MRPL58: variants seen among roughly 807,000 people sequenced by gnomAD.
The protein encoded by MRPL58 is large ribosomal subunit protein mL62.
A neutral mutation model predicts 26.0 loss-of-function variants in MRPL58; 17 were observed. That is an observed-to-expected ratio of 0.65 (90% CI 0.45 to 0.98). The LOEUF (loss-of-function observed/expected upper bound fraction) is 0.98. Among genes scored for constraint, MRPL58 ranks in the 50% least tolerant of loss-of-function variants. MRPL58 has a pLI of 0.00. For synonymous variants in MRPL58, 100 were observed against 99.7 expected, an observed-to-expected ratio of 1.00 and a Z score of -0.02; for missense variants, 250 against 269.0, an observed-to-expected ratio of 0.93 and a Z score of 0.49.
intron 2 of MRPL58, among the ~76,000 whole-genome samples, chr17:75,017,830 A>C (rs1454545889): frequency 6.6e-6 from 1 of 152,184 alleles, no homozygotes; most frequent in Admixed American, 6.5e-5. Context: ...AGGCTGAGGC[A>C]CAAGAATCAC....
chr17:75,014,677 C>T (rs190112334), intron 1 of MRPL58, among the ~76,000 whole-genome samples: 33 of 151,748 alleles, frequency 2.2e-4, no homozygotes, highest in Admixed American at 1.8e-3. Context: ...AAACTCCTGA[C>T]CTCAAATGAT....
intron 1 of MRPL58, among the ~76,000 whole-genome samples, chr17:75,014,771 A>C (rs978231006): frequency 6.6e-6 from 1 of 152,172 alleles, no homozygotes; most frequent in East Asian, 1.9e-4. Flanking sequence ...GAGCAGTGAA[A>C]GGATTGAGTT....
At chr17:75,013,860 T>C (rs534588362) in intron 1 of MRPL58, among the ~76,000 whole-genome samples, 1 of 152,318 alleles carries the variant, frequency 6.6e-6, no homozygotes, top group African/African-American at 2.4e-5. Flanking sequence ...GGGAAAGGCC[T>C]GTTACTAGGA....
chr17:75,013,463 C>G (rs2039949069), intron 1 of MRPL58, among the ~76,000 whole-genome samples: 1 of 152,140 alleles, frequency 6.6e-6, no homozygotes, highest in African/African-American at 2.4e-5. Flanking sequence ...AAAAGCTGTG[C>G]TAGGCTAGGG....
intron 2 of MRPL58, 81 bp from the exon 3 acceptor site, chr17:75,019,618 CT>C (rs1219702373): frequency 1.5e-6 from 2 of 1,356,628 alleles, no homozygotes; most frequent in Non-Finnish European, 2.1e-6. Context: ...AATACCTTCC[CT>C]ACATTCCTCA....
At chr17:75,017,220 G>A (rs1598667798) in intron 2 of MRPL58, 106 bp downstream of exon 2, 1 of 860,180 alleles carries the variant, frequency 1.2e-6, no homozygotes, top group African/African-American at 1.7e-5. Context: ...GAACCCAGGA[G>A]GTGGAGGTTG....
At position 75,012,698 on chromosome 17, in the gene MRPL58, C is replaced by T. The variant is rs779918754; in HGVS notation, c.12C>T (p.Thr4=). MAA[T]RCLRWGLSRA... is the part of the protein sequence containing the mutation. The stretch of plus-strand genomic sequence containing the variant: ...CGCAAGACCTGAGCATGGCGGCCAC[C>T]AGGTGCCTGCGCTGGGGCCTGAGCC... Residue 4 remains threonine (T), a synonymous_variant, in exon 1 of 6, where the codon ACC becomes ACT. Transcript: ENST00000301585. 2 of 1,555,446 alleles carry T rather than the reference C, an allele frequency of 1.3e-6. No homozygotes were observed. The highest frequency in any genetic ancestry group is 2.8e-5 in the African/African-American group (2 of 72,694).
intron 1 of MRPL58, among the ~76,000 whole-genome samples, chr17:75,013,208 C>T (rs142948939): frequency 1.3e-5 from 2 of 152,320 alleles, no homozygotes; most frequent in East Asian, 3.9e-4. Context: ...CAAGAGGCTG[C>T]CAAGTTGTTT....
Position 75,021,242 on chromosome 17 carries a change from A to G in MRPL58, c.*237A>G. 1 of 516,336 alleles carries G rather than the reference A, an allele frequency of 1.9e-6. No individual in the cohort carries two copies. The highest frequency in any genetic ancestry group is 3.2e-5 in the East Asian group (1 of 31,380). 32.0% of individuals were successfully genotyped at this position (516,336 alleles called of 1,614,324 possible). A position where few individuals can be genotyped will look rare whatever the true frequency, so the allele number is the denominator to read the frequency against. On this transcript the variant is annotated 3_prime_UTR_variant, in exon 6 of 6. Coordinates refer to ENST00000301585, the MANE Select transcript of MRPL58 (RefSeq NM_001545.3). The stretch of plus-strand genomic sequence containing the variant: ...TAATAATGCACCTCATGTATTAGTC[A>G]CAATAAAAATCAGAACTCATTAGGC...
At position 75,012,883 on chromosome 17, in the gene MRPL58, A is replaced by G; in HGVS notation, c.186+11A>G. 6.2e-7 allele frequency: 1 copy of G among 1,602,994 alleles called. No individual in the cohort carries two copies. Among genetic ancestry groups the G allele is most frequent in the Non-Finnish European group, 8.5e-7 (1 of 1,176,168 alleles). On this transcript the variant is annotated intron_variant, in intron 1 of 5. Transcript: ENST00000301585. ...GCCTGGAGGGTCCCGGTGAGCCGGG[A>G]AGGACTGGACGGAAGGGGCGTTTTG...
intron 1 of MRPL58, 49 bp from the exon 2 acceptor site, chr17:75,017,029 G>T: frequency 6.8e-7 from 1 of 1,463,004 alleles, no homozygotes; most frequent in Non-Finnish European, 9.6e-7. Flanking sequence ...CCAGTTAGGA[G>T]TCACCCAGCA....
chr17:75,016,426 G>A (rs1181725819), intron 1 of MRPL58, among the ~76,000 whole-genome samples: 1 of 151,790 alleles, frequency 6.6e-6, no homozygotes, highest in Non-Finnish European at 1.5e-5. Context: ...AAAAAAAAAA[G>A]AAATGAAGGC....
intron 2 of MRPL58, among the ~76,000 whole-genome samples, chr17:75,019,285 G>A (rs2039997550): frequency 6.6e-6 from 1 of 152,150 alleles, no homozygotes; most frequent in African/African-American, 2.4e-5. Flanking sequence ...TAGCTCGGTA[G>A]TAGCTCCTCA....
At position 75,017,065 on chromosome 17, in the gene MRPL58, C is replaced by T; in HGVS notation, c.187-13C>T. ...GGTAATATTTATTTGACACTGTGTACATTACATTACAGAATGGTGCAAAGC... is the reference window on the plus strand; with the variant it reads ...GGTAATATTTATTTGACACTGTGTATATTACATTACAGAATGGTGCAAAGC... On this transcript the variant is annotated splice_polypyrimidine_tract_variant and intron_variant, in intron 1 of 5. Transcript: ENST00000301585. 6.2e-7 allele frequency: 1 copy of T among 1,605,590 alleles called. No homozygotes were observed. The highest frequency in any genetic ancestry group is 8.5e-7 in the Non-Finnish European group (1 of 1,172,156).
rs746198873 is a variant in MRPL58 at position 75,019,741 on chromosome 17, G to A, written c.265G>A (p.Gly89Arg). The A allele has an allele frequency of 6.2e-7, 1 of 1,607,768 alleles. No homozygotes were observed. The highest frequency in any genetic ancestry group is 8.5e-7 in the Non-Finnish European group (1 of 1,175,462). ...ISYCRSSGPG[G>R]QNVNKVNSKA... is the part of the protein sequence containing the mutation. ...TTATTGTCGGAGTAGTGGTCCTGGGGGGCAGAATGTGAACAAAGGTACGGG... is the reference window on the plus strand; with the variant it reads ...TTATTGTCGGAGTAGTGGTCCTGGGAGGCAGAATGTGAACAAAGGTACGGG... The change falls in exon 3 of 6, where the codon GGG becomes AGG. Residue 89 changes from glycine (G) to arginine (R), a missense_variant. Transcript: ENST00000301585.
In MRPL58 at chr17:75,021,126, T is replaced by C. The variant is rs2040015112; in HGVS notation, c.*121T>C. 4.5e-6 allele frequency: 3 copies of C among 672,622 alleles called. No individual in the cohort carries two copies. Among genetic ancestry groups the C allele is most frequent in the African/African-American group, 1.8e-5 (1 of 55,086 alleles). 41.7% of individuals were successfully genotyped at this position (672,622 alleles called of 1,614,324 possible). A position where few individuals can be genotyped will look rare whatever the true frequency, so the allele number is the denominator to read the frequency against. On this transcript the variant is annotated 3_prime_UTR_variant, in exon 6 of 6. Transcript: ENST00000301585. ...TGGCTGTTAATGCTTGTCTATAACATTGGAGCCATCACAAGAATGTTCATT... is the reference window on the plus strand; with the variant it reads ...TGGCTGTTAATGCTTGTCTATAACACTGGAGCCATCACAAGAATGTTCATT...
chr17:75,012,796 C>G lies in MRPL58; in HGVS notation c.110C>G (p.Thr37Ser), dbSNP rs2039941694. Reference protein sequence around the residue: ...RRALHKQKDGTEFKSIYSLDK... With the variant: ...RRALHKQKDGSEFKSIYSLDK... ...GCGCTGCACAAGCAGAAAGACGGCACTGAGTTCAAGAGCATCTACAGCCTG... is the reference window on the plus strand; with the variant it reads ...GCGCTGCACAAGCAGAAAGACGGCAGTGAGTTCAAGAGCATCTACAGCCTG... Residue 37 changes from threonine to serine, a missense_variant, in exon 1 of 6, where the codon ACT (threonine) becomes AGT (serine). Thr to Ser is a moderately conservative substitution (Grantham distance 58). Transcript: ENST00000301585. The G allele has an allele frequency of 1.2e-6, 2 of 1,611,320 alleles. No individual in the cohort carries two copies. The highest frequency in any genetic ancestry group is 1.7e-6 in the Non-Finnish European group (2 of 1,179,286).
chr17:75,012,817 G>T lies in MRPL58; in HGVS notation c.131G>T (p.Ser44Ile). The change falls in exon 1 of 6, where the codon AGC becomes ATC. Residue 44 changes from serine (S) to isoleucine (I), a missense_variant. Transcript: ENST00000301585. ...GGCACTGAGTTCAAGAGCATCTACAGCCTGGACAAGCTCTACCCCGAATCT... is the reference window on the plus strand; with the variant it reads ...GGCACTGAGTTCAAGAGCATCTACATCCTGGACAAGCTCTACCCCGAATCT... The part of the protein sequence containing the change: ...KDGTEFKSIY[S>I]LDKLYPESQG... 1 of 1,612,688 alleles carries T rather than the reference G, an allele frequency of 6.2e-7. No homozygotes were observed. Among genetic ancestry groups the T allele is most frequent in the Non-Finnish European group, 8.5e-7 (1 of 1,179,730 alleles).
rs1433503617 is a variant in MRPL58 at position 75,012,878 on chromosome 17, C to A, written c.186+6C>A. 1.2e-6 allele frequency: 2 copies of A among 1,602,782 alleles called. No homozygotes were observed. The highest frequency in any genetic ancestry group is 1.7e-6 in the Non-Finnish European group (2 of 1,176,078). Reference sequence around the variant, plus strand: ...ACACCGCCTGGAGGGTCCCGGTGAGCCGGGAAGGACTGGACGGAAGGGGCG... The same window carrying A: ...ACACCGCCTGGAGGGTCCCGGTGAGACGGGAAGGACTGGACGGAAGGGGCG... On this transcript the variant is annotated splice_donor_region_variant and intron_variant, in intron 1 of 5. Coordinates refer to ENST00000301585, the MANE Select transcript of MRPL58 (RefSeq NM_001545.3).
Sources: gnomAD v4.1 joint callset for allele counts (sites outside exome capture counted in the v4.1 genomes callset) on GRCh38, gnomAD v4.1.1 for gene constraint, MANE v1.5 for transcripts, NCBI Gene and HGNC (gene_info 2026-07-23, HGNC 2026-07-21) for gene names.